Variants in OLA1 observed in about 807,000 individuals in gnomAD.
The protein encoded by OLA1 is Obg like ATPase 1.
Under a neutral mutation model 48.4 loss-of-function variants are expected in OLA1, and 14 were observed. The observed-to-expected ratio is 0.29, with a 90% CI of 0.19 to 0.45. The LOEUF (loss-of-function observed/expected upper bound fraction) is 0.45, where lower values mean the gene tolerates loss of function less well. Among genes scored for constraint, OLA1 ranks in the 20% least tolerant of loss-of-function variants. The pLI, the probability that OLA1 is intolerant of heterozygous loss-of-function variation, is 1.00. For synonymous variants in OLA1, 127 were observed against 150.4 expected, an observed-to-expected ratio of 0.84 and a Z score of 1.14; for missense variants, 325 against 467.1, an observed-to-expected ratio of 0.70 and a Z score of 2.80.
chr2:174,116,654 T>A (rs1685790617), intron 7 of OLA1, among the ~76,000 whole-genome samples: 1 of 152,180 alleles, frequency 6.6e-6, no homozygotes. Flanking sequence ...GAATGCTCTG[T>A]ACGCAATTAG....
At chr2:174,224,693 T>C (rs761187283) in intron 3 of OLA1, among the ~76,000 whole-genome samples, 27 of 152,176 alleles carry the variant, frequency 1.8e-4, no homozygotes, top group Non-Finnish European at 2.9e-4. Context: ...AGCTCATCAG[T>C]CTTCTGGGAG....
At chr2:174,216,258 G>A (rs2105445216) in intron 4 of OLA1, among the ~76,000 whole-genome samples, 1 of 152,042 alleles carries the variant, frequency 6.6e-6, no homozygotes, top group East Asian at 1.9e-4. Flanking sequence ...AGCTATGATT[G>A]TACCACTGCA....
chr2:174,086,245 A>C (rs1684973908), intron 7 of OLA1, among the ~76,000 whole-genome samples: 1 of 152,112 alleles, frequency 6.6e-6, no homozygotes, highest in Admixed American at 6.5e-5. Flanking sequence ...GTTTGGAAGC[A>C]GGGAGGGGTA....
Position 174,075,261 on chromosome 2 carries a change from G to A in OLA1, c.*165C>T. The A allele has an allele frequency of 1.9e-6, 1 of 516,748 alleles. No homozygotes were observed. Among genetic ancestry groups the A allele is most frequent in the Non-Finnish European group, 3.4e-6 (1 of 289,874 alleles). 32.0% of individuals were successfully genotyped at this position (516,748 alleles called of 1,614,324 possible). A position where few individuals can be genotyped will look rare whatever the true frequency, so the allele number is the denominator to read the frequency against. ...AGTGAACCTGCATTTCATGGGGGGG[G>A]GGGGGTACACAGTATTTTAATTTTA... On this transcript the variant is annotated 3_prime_UTR_variant, in exon 11 of 11. Coordinates refer to ENST00000284719, the MANE Select transcript of OLA1 (RefSeq NM_013341.5).
In OLA1 at chr2:174,126,919, T is replaced by A. The variant is rs115912596; in HGVS notation, c.550-3244A>T. Among the ~76,000 whole-genome samples, 1,214 of 152,300 alleles carry A rather than the reference T, an allele frequency of 8.0e-3. 18 individuals carry two copies. Among genetic ancestry groups the A allele is most frequent in the African/African-American group, 0.027 (1,143 of 41,580 alleles). ...TCTGAGTTTCTAAAAATACTGGCTT[T>A]TTTCATGAAATCTCAAGTCAGGCTT... On this transcript the variant is annotated intron_variant, in intron 5 of 10. Coordinates refer to ENST00000284719, the MANE Select transcript of OLA1 (RefSeq NM_013341.5).
intron 4 of OLA1, among the ~76,000 whole-genome samples, chr2:174,143,426 A>C (rs1199075327): frequency 6.6e-6 from 1 of 152,246 alleles, no homozygotes; most frequent in Non-Finnish European, 1.5e-5. Flanking sequence ...TGCAAATAGC[A>C]TGATAAAATA....
chr2:174,207,916 T>A (rs1399419703), intron 4 of OLA1, among the ~76,000 whole-genome samples: 1 of 152,156 alleles, frequency 6.6e-6, no homozygotes, highest in East Asian at 1.9e-4. Flanking sequence ...CAACCAAATG[T>A]GGACAGAAAA....
intron 2 of OLA1, among the ~76,000 whole-genome samples, chr2:174,241,509 C>T (rs183759952): frequency 1.3e-5 from 2 of 152,276 alleles, no homozygotes; most frequent in African/African-American, 4.8e-5. Flanking sequence ...TGCAGGGACA[C>T]CAAAATGCAT....
At chr2:174,159,508 C>T (rs1686963017) in intron 4 of OLA1, among the ~76,000 whole-genome samples, 1 of 151,936 alleles carries the variant, frequency 6.6e-6, no homozygotes, top group South Asian at 2.1e-4. Flanking sequence ...TACATGTGTA[C>T]AAAAAAACCC....
At chr2:174,185,757 G>A (rs142620244) in intron 4 of OLA1, among the ~76,000 whole-genome samples, 283 of 152,050 alleles carry the variant, frequency 1.9e-3, no homozygotes, top group African/African-American at 6.4e-3. Context: ...GCAAAACCTC[G>A]TTTCTACTAA....
chr2:174,090,225 G>A (rs1302960290), intron 7 of OLA1, among the ~76,000 whole-genome samples: 1 of 152,082 alleles, frequency 6.6e-6, no homozygotes, highest in Non-Finnish European at 1.5e-5. Context: ...TATAAAAATT[G>A]GATTTCAGAC....
chr2:174,073,868 TTTTA>T lies in OLA1; in HGVS notation c.*1554_*1557del, dbSNP rs1247436265. ...TTGGTCAGCTATACCTGTAGCCTAGTTTTATTTGTTTTATTTAGTTCTTTTAAAA... is the reference window on the plus strand; with the variant it reads ...TTGGTCAGCTATACCTGTAGCCTAGTTTTGTTTTATTTAGTTCTTTTAAAA... On this transcript the variant is annotated 3_prime_UTR_variant, in exon 11 of 11. Coordinates refer to ENST00000284719, the MANE Select transcript of OLA1 (RefSeq NM_013341.5). 1.3e-5 allele frequency: 2 copies of T among 152,184 alleles called. No individual in the cohort carries two copies. Among genetic ancestry groups the T allele is most frequent in the Non-Finnish European group, 1.5e-5 (1 of 68,022 alleles). 9.4% of individuals were successfully genotyped at this position (152,184 alleles called of 1,614,324 possible).
rs777947684 is a variant in OLA1 at position 174,246,707 on chromosome 2, T to G, written c.101+8A>C. ...ATGAAAATCACAAAAGCCCCAACGT[T>G]CACCTACCCAACATTTGGCAATCCA... On this transcript the variant is annotated splice_region_variant and intron_variant, in intron 2 of 10. Coordinates refer to ENST00000284719, the MANE Select transcript of OLA1 (RefSeq NM_013341.5). 6 of 1,566,944 alleles carry G rather than the reference T, an allele frequency of 3.8e-6. No homozygotes were observed. The highest frequency in any genetic ancestry group is 5.3e-6 in the Non-Finnish European group (6 of 1,139,916).
chr2:174,175,892 A>G (rs997899917), intron 4 of OLA1, among the ~76,000 whole-genome samples: 1 of 152,080 alleles, frequency 6.6e-6, no homozygotes, highest in Admixed American at 6.5e-5. Context: ...AATATGAATG[A>G]ATATCAAAAA....
chr2:174,167,405 G>C (rs1687192411), intron 4 of OLA1, among the ~76,000 whole-genome samples: 1 of 152,162 alleles, frequency 6.6e-6, no homozygotes, highest in African/African-American at 2.4e-5. Flanking sequence ...GTGAAACCCT[G>C]TCTCTACTAA....
At chr2:174,197,078 T>C (rs941732245) in intron 4 of OLA1, among the ~76,000 whole-genome samples, 1 of 152,224 alleles carries the variant, frequency 6.6e-6, no homozygotes, top group African/African-American at 2.4e-5. Context: ...GTTGTTTTTT[T>C]GTGTGAAAAA....
At chr2:174,084,489 A>G (rs575969128) in intron 7 of OLA1, among the ~76,000 whole-genome samples, 49 of 152,222 alleles carry the variant, frequency 3.2e-4, no homozygotes, top group Non-Finnish European at 6.5e-4. Context: ...ATGTCCCAAA[A>G]TGATTTTTAA....
chr2:174,214,191 G>A (rs1688309862), intron 4 of OLA1, among the ~76,000 whole-genome samples: 1 of 151,996 alleles, frequency 6.6e-6, no homozygotes, highest in African/African-American at 2.4e-5. Flanking sequence ...AAATTGGCCA[G>A]GCGTGGTGGT....
intron 4 of OLA1, among the ~76,000 whole-genome samples, chr2:174,154,295 A>T (rs1393880671): frequency 6.6e-6 from 1 of 152,162 alleles, no homozygotes; most frequent in African/African-American, 2.4e-5. Context: ...AACATCACTT[A>T]GCCTTCTGCC....
Sources: gnomAD v4.1 joint callset for allele counts (sites outside exome capture counted in the v4.1 genomes callset) on GRCh38, gnomAD v4.1.1 for gene constraint, MANE v1.5 for transcripts, NCBI Gene and HGNC (gene_info 2026-07-23, HGNC 2026-07-21) for gene names.